Variants in OGT observed in about 807,000 individuals in gnomAD.
The protein encoded by OGT is UDP-N-acetylglucosamine--peptide N-acetylglucosaminyltransferase 110 kDa subunit.
OGT carries 3 observed loss-of-function variants against 75.8 expected under a neutral mutation model. The ratio of observed to expected loss-of-function variants is 0.04; its 90% CI spans 0.02 to 0.10. The LOEUF (loss-of-function observed/expected upper bound fraction) is 0.10, where lower values mean the gene tolerates loss of function less well. Ranked by LOEUF, OGT falls within the 10% of genes least tolerant of loss-of-function variation. OGT has a pLI of 1.00. For synonymous variants in OGT, 257 were observed against 289.7 expected, an observed-to-expected ratio of 0.89 and a Z score of 1.15; for missense variants, 260 against 824.4, an observed-to-expected ratio of 0.32 and a Z score of 8.38.
intron 5 of OGT, 145 bp downstream of exon 5, chrX:71,548,168 T>A (rs2040275226): frequency 1.8e-6 from 1 of 558,609 alleles, no homozygotes; most frequent in Non-Finnish European, 2.7e-6. Flanking sequence ...CAGAGAACAA[T>A]GATTTGACTT....
At chrX:71,550,798 C>T (rs1448916403) in intron 5 of OGT, among the ~76,000 whole-genome samples, 1 of 110,080 alleles carries the variant, frequency 9.1e-6, no homozygotes, top group Non-Finnish European at 1.9e-5. Flanking sequence ...TGAAATAAAC[C>T]AGGCACAGAA....
intron 7 of OGT, chrX:71,555,703 A>G: frequency 2.5e-6 from 1 of 404,681 alleles, no homozygotes; most frequent in Non-Finnish European, 4.2e-6. Flanking sequence ...AGCCTGGGCA[A>G]CAGAGCACGA....
At chrX:71,561,126 C>T (rs2040380925) in intron 14 of OGT, among the ~76,000 whole-genome samples, 1 of 109,595 alleles carries the variant, frequency 9.1e-6, no homozygotes, top group Admixed American at 9.8e-5. Context: ...CGGGGTCTCA[C>T]CACATTGGCC....
chrX:71,539,456 C>G (rs895349553), intron 3 of OGT, among the ~76,000 whole-genome samples: 1 of 111,660 alleles, frequency 9.0e-6, no homozygotes, highest in Non-Finnish European at 1.9e-5. Flanking sequence ...TCCAGAGTAG[C>G]TGGGACTATA....
At chrX:71,534,098 TC>T (rs1483549068) in intron 1 of OGT, among the ~76,000 whole-genome samples, 3 of 110,543 alleles carry the variant, frequency 2.7e-5, no homozygotes, top group Non-Finnish European at 5.7e-5. Flanking sequence ...CCTGTTCACT[TC>T]CTATCCTTGG....
rs151075042 is a variant in OGT at position 71,552,961 on chromosome X, A to C, written c.649-1552A>C. The stretch of plus-strand genomic sequence containing the variant: ...GGACGTAATGTTCCTCTGCTTTTGT[A>C]TATGTTTAAACATTTCTATTATAAA... On this transcript the variant is annotated intron_variant, in intron 5 of 21. Transcript: ENST00000373719. Among the ~76,000 whole-genome samples, 650 of 111,951 alleles carry C rather than the reference A, an allele frequency of 5.8e-3. 6 individuals are homozygous for C. Among genetic ancestry groups the C allele is most frequent in the African/African-American group, 0.02 (612 of 30,870 alleles).
chrX:71,573,844 G>A lies in OGT; in HGVS notation c.*50G>A, dbSNP rs1180740608. ...CCCTATACCTGAGCCTCAACCTTCT[G>A]GGGGAAAGGGAACTAGATAACATAC... On this transcript the variant is annotated 3_prime_UTR_variant, in exon 22 of 22. Coordinates refer to ENST00000373719, the MANE Select transcript of OGT (RefSeq NM_181672.3). 1.0e-6 allele frequency: 1 copy of A among 996,299 alleles called. No individual in the cohort carries two copies. The highest frequency in any genetic ancestry group is 1.4e-6 in the Non-Finnish European group (1 of 737,457). The allele number at this position is 996,299 out of a possible 1,213,427, so 82.1% of individuals were successfully genotyped here.
At chrX:71,558,049 G>A (rs1396598881) in intron 12 of OGT, among the ~76,000 whole-genome samples, 1 of 108,367 alleles carries the variant, frequency 9.2e-6, no homozygotes, top group Non-Finnish European at 1.9e-5. Context: ...TGACCTCCCC[G>A]AGCTTAGGTG....
intron 4 of OGT, chrX:71,547,265 G>C (rs1272004681): frequency 1.3e-6 from 1 of 751,758 alleles, no homozygotes; most frequent in Non-Finnish European, 1.6e-6. Context: ...TTTGATGTTA[G>C]TGAGGAACAT....
chrX:71,534,104 C>T (rs962907108), intron 1 of OGT, among the ~76,000 whole-genome samples: 7 of 110,698 alleles, frequency 6.3e-5, no homozygotes, highest in Non-Finnish European at 1.3e-4. Context: ...CACTTCCTAT[C>T]CTTGGGGGAG....
At chrX:71,559,047 G>A (rs934842270) in intron 12 of OGT, among the ~76,000 whole-genome samples, 1 of 106,251 alleles carries the variant, frequency 9.4e-6, no homozygotes, top group Non-Finnish European at 1.9e-5. Flanking sequence ...TTCCCAGAGC[G>A]CTGGGATTTG....
Position 71,563,473 on chromosome X carries a change from A to G in OGT, c.2410A>G (p.Ile804Val), listed in dbSNP as rs1339834199. The G allele has an allele frequency of 4.2e-6, 5 of 1,203,272 alleles. No homozygotes were observed. The highest frequency in any genetic ancestry group is 5.6e-6 in the Non-Finnish European group (5 of 890,752). Residue 804 changes from isoleucine to valine, a missense_variant, in exon 18 of 22, where the codon ATT (isoleucine) becomes GTT (valine). Physicochemically the swap from Ile to Val is conservative, Grantham distance 29. This residue lies in a region of OGT where 79 missense variants were observed against 141.0 expected (regional missense o/e 0.56). Transcript: ENST00000373719. ...QIQITINGFS[I>V]SNGLATTQIN... ...TCAAATAACAATTAATGGATTCAGT[A>G]TTAGCAATGGACTGGCAACTACTCA... is the stretch of plus-strand genomic sequence containing the variant.
intron 3 of OGT, among the ~76,000 whole-genome samples, chrX:71,541,347 C>T (rs933556739): frequency 7.2e-5 from 8 of 111,025 alleles, no homozygotes; most frequent in African/African-American, 2.3e-4. Flanking sequence ...TTGTATATTT[C>T]GATTCTTCTC....
chrX:71,546,390 C>T (rs2040259243), intron 4 of OGT: 1 of 754,301 alleles, frequency 1.3e-6, no homozygotes, highest in Non-Finnish European at 1.6e-6. Context: ...TAAGGTGCCT[C>T]GCTGAAGGGA....
At chrX:71,573,130 T>C (rs887773135) in intron 21 of OGT, among the ~76,000 whole-genome samples, 1 of 112,600 alleles carries the variant, frequency 8.9e-6, no homozygotes, top group Non-Finnish European at 1.9e-5. Flanking sequence ...CTTTAACTTT[T>C]GTAAATGATG....
At chrX:71,567,021 TTGTC>T (rs750193878) in intron 19 of OGT, among the ~76,000 whole-genome samples, 3 of 112,695 alleles carry the variant, frequency 2.7e-5, no homozygotes. Context: ...TGTTTACACA[TTGTC>T]TGTGGCTGCT....
intron 4 of OGT, 41 bp from the exon 5 acceptor site, chrX:71,547,866 C>T: frequency 2.0e-6 from 2 of 984,597 alleles, no homozygotes; most frequent in South Asian, 1.9e-5. Flanking sequence ...TTTCCCTTTA[C>T]CTCCTTTCCC....
chrX:71,544,550 C>T lies in OGT; in HGVS notation c.463-17C>T, dbSNP rs753320432. ...CAAAGCAGAGTATAATTAATGACAG[C>T]GTCTCTGGGTTTCTAGGATTTGTAC... On this transcript the variant is annotated splice_polypyrimidine_tract_variant and intron_variant, in intron 3 of 21. Coordinates refer to ENST00000373719, the MANE Select transcript of OGT (RefSeq NM_181672.3). 6.7e-6 allele frequency: 8 copies of T among 1,196,161 alleles called. No individual in the cohort carries two copies. Among genetic ancestry groups the T allele is most frequent in the Admixed American group, 2.2e-5 (1 of 45,370 alleles).
At position 71,564,680 on chromosome X, in the gene OGT, A is replaced by C; in HGVS notation, c.2516A>C (p.Glu839Ala). The change falls in exon 19 of 22, where the codon GAA becomes GCA. Residue 839 changes from glutamate (E) to alanine (A), a missense_variant. Physicochemically the swap from Glu to Ala is moderately radical, Grantham distance 107. Transcript: ENST00000373719. ...VTTRSQYGLP[E>A]DAIVYCNFNQ... The stretch of plus-strand genomic sequence containing the variant: ...ACCCGTTCTCAGTACGGGTTACCAG[A>C]AGATGCCATCGTATACTGTAACTTT... The C allele has an allele frequency of 8.3e-7, 1 of 1,201,973 alleles. No individual in the cohort carries two copies. Among genetic ancestry groups the C allele is most frequent in the Non-Finnish European group, 1.1e-6 (1 of 886,730 alleles).
Sources: allele counts gnomAD v4.1 joint callset (sites outside exome capture counted in the v4.1 genomes callset), GRCh38; gene constraint gnomAD v4.1.1; regional missense constraint gnomAD v4.1.1; transcripts MANE v1.5; gene names NCBI Gene and HGNC (gene_info 2026-07-23, HGNC 2026-07-21).